Variants in COL25A1 observed in about 807,000 individuals in gnomAD.
COL25A1 encodes the protein collagen type XXV alpha 1 chain.
In COL25A1, 103 loss-of-function variants were observed where a neutral mutation model predicts 128.4. The ratio of observed to expected loss-of-function variants is 0.80; its 90% CI spans 0.68 to 0.94. The LOEUF (loss-of-function observed/expected upper bound fraction) is 0.94. Among genes scored for constraint, COL25A1 ranks in the 40% least tolerant of loss-of-function variants. The pLI, the probability that COL25A1 is intolerant of heterozygous loss-of-function variation, is 0.00. For synonymous variants in COL25A1, 279 were observed against 277.2 expected, an observed-to-expected ratio of 1.01 and a Z score of -0.06; for missense variants, 745 against 840.0, an observed-to-expected ratio of 0.89 and a Z score of 1.40.
At chr4:108,980,243 A>G (rs921164361) in intron 6 of COL25A1, among the ~76,000 whole-genome samples, 1 of 152,182 alleles carries the variant, frequency 6.6e-6, no homozygotes, top group African/African-American at 2.4e-5. Context: ...GGTCCAAAAG[A>G]GAGATGGTAA....
intron 3 of COL25A1, among the ~76,000 whole-genome samples, chr4:109,137,788 G>A (rs951183271): frequency 4.6e-5 from 7 of 152,142 alleles, no homozygotes; most frequent in African/African-American, 1.7e-4. Context: ...CATCTGTGGA[G>A]TGGTTGGTAT....
Position 108,937,790 on chromosome 4 carries a change from A to T in COL25A1, c.708+18T>A. The T allele has an allele frequency of 6.3e-7, 1 of 1,597,034 alleles. No individual in the cohort carries two copies. Among genetic ancestry groups the T allele is most frequent in the Non-Finnish European group, 8.5e-7 (1 of 1,170,708 alleles). On this transcript the variant is annotated intron_variant, in intron 11 of 37. Transcript: ENST00000399132. ...ACAACCAGGCTTAGTATAGAAAAAG[A>T]TAAACTGAGATACTTGCCATCAAGC...
chr4:108,832,978 A>AATAAATAAATAAATAC lies in COL25A1; in HGVS notation c.1657-546_1657-545insGTATTTATTTATTTAT, dbSNP rs1553944801. Among the ~76,000 whole-genome samples the AATAAATAAATAAATAC allele has an allele frequency of 6.7e-3, 1,011 of 151,034 alleles. 9 individuals carry two copies. The highest frequency in any genetic ancestry group is 0.023 in the African/African-American group (965 of 41,274). The stretch of plus-strand genomic sequence containing the variant: ...CGAGACTCCGTCTCAAAAAATAATA[A>AATAAATAAATAAATAC]ATAAATAAATAAATAAATAAATAAA... On this transcript the variant is annotated intron_variant, in intron 31 of 37. Coordinates refer to ENST00000399132, the MANE Select transcript of COL25A1 (RefSeq NM_198721.4).
chr4:109,202,658 A>C (rs1335048585), intron 3 of COL25A1, among the ~76,000 whole-genome samples: 5 of 152,192 alleles, frequency 3.3e-5, no homozygotes, highest in African/African-American at 1.2e-4. Flanking sequence ...CAGTATTCAC[A>C]AAAGACACTG....
At chr4:108,847,433 A>G (rs556641902) in intron 27 of COL25A1, among the ~76,000 whole-genome samples, 6 of 152,228 alleles carry the variant, frequency 3.9e-5, no homozygotes, top group Middle Eastern at 3.4e-3. Flanking sequence ...CCTATTTAAT[A>G]GCATTCAGAA....
rs374411609 is a variant in COL25A1, at chr4:108,886,643, C to T, written c.976-2421G>A. ...CCTATTCCTTGACTCAGGGGCTTCTCTCAAGAACTCAATTTGGGGATGCAC... is the reference window on the plus strand; with the variant it reads ...CCTATTCCTTGACTCAGGGGCTTCTTTCAAGAACTCAATTTGGGGATGCAC... On this transcript the variant is annotated intron_variant, in intron 18 of 37. Coordinates refer to ENST00000399132, the MANE Select transcript of COL25A1 (RefSeq NM_198721.4). 2.5e-4 allele frequency among the ~76,000 whole-genome samples: 38 copies of T among 152,172 alleles called. No individual in the cohort carries two copies. In the South Asian group the frequency reaches 7.9e-3, roughly 32 times the overall value.
intron 5 of COL25A1, among the ~76,000 whole-genome samples, chr4:109,013,185 G>T (rs900525734): frequency 1.3e-5 from 2 of 152,006 alleles, no homozygotes; most frequent in African/African-American, 2.4e-5. Flanking sequence ...GTTTGTAAAC[G>T]CACCAATCAG....
chr4:108,979,016 T>A (rs1016616592), intron 6 of COL25A1, among the ~76,000 whole-genome samples: 1 of 152,230 alleles, frequency 6.6e-6, no homozygotes, highest in African/African-American at 2.4e-5. Flanking sequence ...AGGGTGCTAA[T>A]AAAGTTTTTA....
At chr4:108,856,791 T>C (rs1052627358) in intron 24 of COL25A1, among the ~76,000 whole-genome samples, 1 of 152,094 alleles carries the variant, frequency 6.6e-6, no homozygotes, top group Non-Finnish European at 1.5e-5. Flanking sequence ...CATATTGAAA[T>C]ATAGGTGTCA....
chr4:108,865,986 A>C (rs1470353769), intron 20 of COL25A1, among the ~76,000 whole-genome samples: 2 of 152,134 alleles, frequency 1.3e-5, no homozygotes, highest in African/African-American at 4.8e-5. Context: ...CTCTGAAATT[A>C]TATTATTTGT....
intron 8 of COL25A1, among the ~76,000 whole-genome samples, chr4:108,951,547 G>A (rs905994038): frequency 3.3e-5 from 5 of 151,684 alleles, no homozygotes; most frequent in Non-Finnish European, 4.4e-5. Flanking sequence ...CACCACGCCC[G>A]GCAAATTTTT....
chr4:109,095,352 C>T (rs1358162971), intron 3 of COL25A1, among the ~76,000 whole-genome samples: 1 of 152,132 alleles, frequency 6.6e-6, no homozygotes, highest in East Asian at 1.9e-4. Context: ...AAATGTAATT[C>T]TCTTATCAAA....
At chr4:109,012,187 A>T (rs1045331146) in intron 5 of COL25A1, among the ~76,000 whole-genome samples, 2 of 152,308 alleles carry the variant, frequency 1.3e-5, no homozygotes, top group Admixed American at 6.5e-5. Flanking sequence ...TAACTTTATT[A>T]AAAAAATTTT....
chr4:108,983,977 T>C (rs566895261), intron 6 of COL25A1, among the ~76,000 whole-genome samples: 4 of 152,284 alleles, frequency 2.6e-5, no homozygotes, highest in African/African-American at 7.2e-5. Context: ...TATTCTCTTA[T>C]CTGGCCCCAC....
intron 13 of COL25A1, among the ~76,000 whole-genome samples, chr4:108,903,577 T>G (rs1424830589): frequency 6.6e-6 from 1 of 152,058 alleles, no homozygotes; most frequent in East Asian, 1.9e-4. Context: ...ATACTCATTT[T>G]TCTGTCAAAT....
chr4:109,167,514 T>C (rs1032441188), intron 3 of COL25A1, among the ~76,000 whole-genome samples: 2 of 152,174 alleles, frequency 1.3e-5, no homozygotes, highest in Non-Finnish European at 1.5e-5. Context: ...TGTATCATTA[T>C]GACATTTCTC....
chr4:108,855,729 T>G (rs572929137), intron 24 of COL25A1, among the ~76,000 whole-genome samples: 1 of 152,310 alleles, frequency 6.6e-6, no homozygotes, highest in South Asian at 2.1e-4. Context: ...ATAACTATGT[T>G]TGTGAAACTT....
At chr4:109,187,945 C>A (rs974267477) in intron 3 of COL25A1, among the ~76,000 whole-genome samples, 2 of 152,000 alleles carry the variant, frequency 1.3e-5, no homozygotes, top group Non-Finnish European at 2.9e-5. Context: ...CAAGCTTTTC[C>A]AACTTCTTGA....
intron 5 of COL25A1, among the ~76,000 whole-genome samples, chr4:109,030,598 G>C (rs1294901137): frequency 6.6e-6 from 1 of 152,192 alleles, no homozygotes; most frequent in Admixed American, 6.5e-5. Context: ...ATTCAGCCAA[G>C]ATTCATGTAG....
Sources: allele counts gnomAD v4.1 joint callset (sites outside exome capture counted in the v4.1 genomes callset), GRCh38; gene constraint gnomAD v4.1.1; transcripts MANE v1.5; gene names NCBI Gene and HGNC (gene_info 2026-07-23, HGNC 2026-07-21).